The following LRRFIP2 variants were observed in gnomAD, a reference collection of about 807,000 sequenced individuals.
LRRFIP2 encodes LRR binding FLII interacting protein 2.
A neutral mutation model predicts 125.9 loss-of-function variants in LRRFIP2; 109 were observed. That is an observed-to-expected ratio of 0.87 (90% CI 0.74 to 1.01). The LOEUF is 1.01. Ranked by LOEUF, LRRFIP2 falls within the 50% of genes least tolerant of loss-of-function variation. The pLI, the probability that LRRFIP2 is intolerant of heterozygous loss-of-function variation, is 0.00. For missense variants in LRRFIP2, 850 were observed against 862.3 expected (o/e 0.99, Z 0.18); for synonymous variants, 291 against 293.1 (o/e 0.99, Z 0.07).
chr3:37,169,841 T>A (rs1277078377), intron 1 of LRRFIP2, among the ~76,000 whole-genome samples: 1 of 151,752 alleles, frequency 6.6e-6, no homozygotes, highest in African/African-American at 2.4e-5. Context: ...CATGATTCTT[T>A]AATGAAGGTG....
At chr3:37,086,730 G>C (rs1448921608) in intron 18 of LRRFIP2, among the ~76,000 whole-genome samples, 4 of 152,178 alleles carry the variant, frequency 2.6e-5, no homozygotes, top group African/African-American at 9.7e-5. Context: ...ATGTTCTAAA[G>C]ATGGGTTGTG....
In LRRFIP2 at chr3:37,105,480, G is replaced by A; in HGVS notation, c.758C>T (p.Ala253Val). ...DTASIVSSDR[A>V]SRGRRESVVS... ...CACACTCTCCCTTCGTCCACGACTG[G>A]CACGATCAGAAGACACAATGCTTGC... Residue 253 changes from alanine to valine, a missense_variant, in exon 14 of 28, where the codon GCC becomes GTC. Coordinates refer to ENST00000336686, the MANE Select transcript of LRRFIP2 (RefSeq NM_006309.4). The A allele has an allele frequency of 6.2e-7, 1 of 1,613,840 alleles. No homozygotes were observed. The highest frequency in any genetic ancestry group is 8.5e-7 in the Non-Finnish European group (1 of 1,179,826).
intron 2 of LRRFIP2, among the ~76,000 whole-genome samples, chr3:37,130,155 A>G (rs1000894347): frequency 5.3e-5 from 8 of 152,106 alleles, no homozygotes; most frequent in Non-Finnish European, 1.0e-4. Flanking sequence ...CCTGGCAACC[A>G]CTAATCTACT....
intron 3 of LRRFIP2, 59 bp from the exon 4 acceptor site, chr3:37,127,739 A>G (rs1403797878): frequency 7.6e-7 from 1 of 1,319,840 alleles, no homozygotes. Context: ...TTCTCCAAAA[A>G]CCTTAAATTA....
intron 16 of LRRFIP2, among the ~76,000 whole-genome samples, chr3:37,095,697 A>C (rs1399898819): frequency 1.3e-5 from 2 of 152,134 alleles, no homozygotes; most frequent in Non-Finnish European, 2.9e-5. Context: ...GCAGTGGCAC[A>C]ATCTTGGCTC....
chr3:37,130,118 A>G (rs1422631534), intron 2 of LRRFIP2, among the ~76,000 whole-genome samples: 1 of 152,176 alleles, frequency 6.6e-6, no homozygotes, highest in Non-Finnish European at 1.5e-5. Flanking sequence ...ATTAGTAGTC[A>G]TTCCCCATTA....
At chr3:37,138,552 G>GT (rs754444057) in intron 2 of LRRFIP2, among the ~76,000 whole-genome samples, 38 of 152,234 alleles carry the variant, frequency 2.5e-4, no homozygotes, top group Non-Finnish European at 4.7e-4. Flanking sequence ...GTATATAGTA[G>GT]TTCCCCCTTA....
At chr3:37,132,857 T>G (rs1382674727) in intron 2 of LRRFIP2, among the ~76,000 whole-genome samples, 1 of 152,226 alleles carries the variant, frequency 6.6e-6, no homozygotes, top group African/African-American at 2.4e-5. Flanking sequence ...TGCTACAGAT[T>G]CATTTTAATA....
At chr3:37,064,098 C>A (rs2089512710) in intron 23 of LRRFIP2, 1 of 315,690 alleles carries the variant, frequency 3.2e-6, no homozygotes, top group Middle Eastern at 9.7e-4. Flanking sequence ...CAAGCTTTCA[C>A]TAGTAGACAG....
intron 2 of LRRFIP2, among the ~76,000 whole-genome samples, chr3:37,141,798 G>T (rs534943960): frequency 1.3e-5 from 2 of 152,256 alleles, no homozygotes; most frequent in East Asian, 1.9e-4. Context: ...TGATTCCTGA[G>T]TATCTATCCT....
At chr3:37,084,795 T>C (rs1258104467) in intron 18 of LRRFIP2, among the ~76,000 whole-genome samples, 2 of 152,188 alleles carry the variant, frequency 1.3e-5, no homozygotes, top group African/African-American at 4.8e-5. Context: ...AGCTTACATG[T>C]TTTTTTGTGT....
At chr3:37,149,393 T>C (rs2095948813) in intron 1 of LRRFIP2, among the ~76,000 whole-genome samples, 1 of 152,082 alleles carries the variant, frequency 6.6e-6, no homozygotes, top group Admixed American at 6.5e-5. Context: ...GGTGCATGTC[T>C]GTAATCCCAG....
rs751331463 is a variant in LRRFIP2 at position 37,066,347 on chromosome 3, A to C, written c.1465-22T>G. Reference sequence around the variant, plus strand: ...GGGCCTGGTTTTAGGTAAGGTAGCAAGGGAAACAATGGCACAGAAAAAGAG... The same window carrying C: ...GGGCCTGGTTTTAGGTAAGGTAGCACGGGAAACAATGGCACAGAAAAAGAG... On this transcript the variant is annotated intron_variant, in intron 21 of 27. Transcript: ENST00000336686. 5.7e-6 allele frequency: 9 copies of C among 1,584,548 alleles called. No individual in the cohort carries two copies. In the Admixed American group the frequency reaches 1.3e-4, roughly 23 times the overall value.
At chr3:37,073,096 A>G (rs1350341623) in intron 20 of LRRFIP2, among the ~76,000 whole-genome samples, 1 of 152,224 alleles carries the variant, frequency 6.6e-6, no homozygotes, top group Admixed American at 6.5e-5. Flanking sequence ...TACAAAAGTA[A>G]GCAAAGGAAC....
intron 2 of LRRFIP2, among the ~76,000 whole-genome samples, chr3:37,133,196 G>C (rs2149743874): frequency 6.6e-6 from 1 of 152,338 alleles, no homozygotes; most frequent in East Asian, 1.9e-4. Flanking sequence ...CTGCACTCCA[G>C]CCTGGGCAAC....
intron 1 of LRRFIP2, among the ~76,000 whole-genome samples, chr3:37,173,494 G>A (rs1329970055): frequency 1.3e-5 from 2 of 152,166 alleles, no homozygotes; most frequent in Non-Finnish European, 2.9e-5. Flanking sequence ...TTCTTTATTT[G>A]CAGACTGAAC....
At chr3:37,066,077 G>A (rs900001255) in intron 22 of LRRFIP2, 135 bp from the exon 23 acceptor site, 2 of 1,345,550 alleles carry the variant, frequency 1.5e-6, no homozygotes, top group Non-Finnish European at 2.1e-6. Flanking sequence ...ATAGCTCTGT[G>A]TAAGAAATAG....
At chr3:37,166,260 G>A (rs2096487576) in intron 1 of LRRFIP2, among the ~76,000 whole-genome samples, 1 of 152,000 alleles carries the variant, frequency 6.6e-6, no homozygotes, top group African/African-American at 2.4e-5. Flanking sequence ...AACCCAGGAG[G>A]CGGAGGTTGC....
intron 6 of LRRFIP2, among the ~76,000 whole-genome samples, chr3:37,120,849 G>A (rs1429665925): frequency 6.6e-6 from 1 of 152,066 alleles, no homozygotes; most frequent in Admixed American, 6.5e-5. Context: ...TTATCAATGT[G>A]CAAAATAAAA....
Sources: allele counts gnomAD v4.1 joint callset (sites outside exome capture counted in the v4.1 genomes callset), GRCh38; gene constraint gnomAD v4.1.1; transcripts MANE v1.5; gene names NCBI Gene and HGNC (gene_info 2026-07-23, HGNC 2026-07-21).